GRID2: variants seen among roughly 807,000 people sequenced by gnomAD.
GRID2 encodes glutamate ionotropic receptor delta type subunit 2, also known as glutamate receptor ionotropic, delta-2.
In GRID2, 33 loss-of-function variants were observed where a neutral mutation model predicts 114.8. That is an observed-to-expected ratio of 0.29 (90% confidence interval 0.22 to 0.38). The LOEUF (loss-of-function observed/expected upper bound fraction) is 0.38, where lower values mean the gene tolerates loss of function less well. Among genes scored for constraint, GRID2 ranks in the 10% least tolerant of loss-of-function variants. The pLI is 1.00. For synonymous variants in GRID2, 505 were observed against 449.9 expected (o/e 1.12, Z -1.55); for missense variants, 1,184 against 1,257.7 (o/e 0.94, Z 0.89).
At chr4:93,015,021 G>A (rs1209352555) in intron 2 of GRID2, among the ~76,000 whole-genome samples, 1 of 152,060 alleles carries the variant, frequency 6.6e-6, no homozygotes, top group Admixed American at 6.6e-5. Flanking sequence ...ACTTCAAGAG[G>A]TGATTAAAAT....
chr4:92,497,739 G>C (rs1020439311), intron 1 of GRID2, among the ~76,000 whole-genome samples: 19 of 151,760 alleles, frequency 1.3e-4, no homozygotes, highest in African/African-American at 4.6e-4. Flanking sequence ...TTCCAGCTTT[G>C]CTTCCAGCAC....
At position 92,320,624 on chromosome 4, in the gene GRID2, G is replaced by A. The variant is rs146827017; in HGVS notation, c.88+15880G>A. Among the ~76,000 whole-genome samples the A allele has an allele frequency of 3.1e-3, 471 of 151,926 alleles. 3 individuals carry two copies. In the East Asian group the frequency reaches 0.037, roughly 12 times the overall value. On this transcript the variant is annotated intron_variant, in intron 1 of 15. Coordinates refer to ENST00000282020, the MANE Select transcript of GRID2 (RefSeq NM_001510.4). ...CAAGTAACAGGGATTACAGGCACAC[G>A]CCACCAACATGCCTAGCTAATTTTT...
intron 1 of GRID2, among the ~76,000 whole-genome samples, chr4:92,587,745 T>C (rs9307120): frequency 0.27 from 41,348 of 152,064 alleles, 5,740 homozygotes; most frequent in Middle Eastern, 0.37. Flanking sequence ...GATTGACTAA[T>C]GTGCTATCAT....
chr4:93,608,556 G>A (rs1402063881), intron 13 of GRID2, among the ~76,000 whole-genome samples: 5 of 144,100 alleles, frequency 3.5e-5, no homozygotes, highest in South Asian at 2.2e-4. Flanking sequence ...GTGAGAATAC[G>A]CAGTGTTTGG....
chr4:93,236,905 A>T (rs1450240772), intron 7 of GRID2, among the ~76,000 whole-genome samples: 1 of 152,094 alleles, frequency 6.6e-6, no homozygotes, highest in Admixed American at 6.6e-5. Flanking sequence ...TCCTTCAAAA[A>T]TAAAGAATTA....
chr4:93,084,227 A>G (rs1730133570), intron 2 of GRID2, among the ~76,000 whole-genome samples: 2 of 152,148 alleles, frequency 1.3e-5, no homozygotes, highest in African/African-American at 2.4e-5. Flanking sequence ...TATAATTTAT[A>G]TTTGATCTAG....
At chr4:93,254,278 TAATC>T (rs1169942623) in intron 8 of GRID2, among the ~76,000 whole-genome samples, 6 of 152,008 alleles carry the variant, frequency 3.9e-5, no homozygotes, top group Admixed American at 6.6e-5. Context: ...TTTTGAAAAA[TAATC>T]AAAAGTGAGA....
chr4:93,556,945 G>A (rs865832432), intron 13 of GRID2, among the ~76,000 whole-genome samples: 1 of 152,122 alleles, frequency 6.6e-6, no homozygotes, highest in South Asian at 2.1e-4. Flanking sequence ...ATTTAACATT[G>A]TTAAAGAAAA....
intron 14 of GRID2, among the ~76,000 whole-genome samples, chr4:93,715,046 G>C (rs1728792023): frequency 6.6e-6 from 1 of 152,136 alleles, no homozygotes; most frequent in African/African-American, 2.4e-5. Flanking sequence ...TTTTCTTCTA[G>C]AGTTTTTATA....
intron 8 of GRID2, chr4:93,258,888 A>G: frequency 2.2e-6 from 1 of 455,092 alleles, no homozygotes; most frequent in South Asian, 1.6e-5. Context: ...TCTCTTTTCC[A>G]TAAACAGAAT....
chr4:93,134,262 T>G (rs927488587), intron 4 of GRID2, among the ~76,000 whole-genome samples: 3 of 152,150 alleles, frequency 2.0e-5, no homozygotes, highest in African/African-American at 4.8e-5. Context: ...CAGATGAATA[T>G]TGTTTAGAAA....
intron 8 of GRID2, among the ~76,000 whole-genome samples, chr4:93,381,751 A>T (rs953882988): frequency 6.6e-6 from 1 of 152,124 alleles, no homozygotes; most frequent in Non-Finnish European, 1.5e-5. Context: ...ACAAAAACTA[A>T]TAATTTTTAA....
At chr4:92,336,806 T>G (rs933698734) in intron 1 of GRID2, among the ~76,000 whole-genome samples, 9 of 152,136 alleles carry the variant, frequency 5.9e-5, no homozygotes, top group Admixed American at 2.6e-4. Context: ...TCATGCTGCT[T>G]CTTCTTCAGG....
chr4:93,280,054 A>G (rs1023224306), intron 8 of GRID2, among the ~76,000 whole-genome samples: 2 of 151,934 alleles, frequency 1.3e-5, no homozygotes, highest in Non-Finnish European at 2.9e-5. Context: ...GCAGAAGTAC[A>G]AGCAAAAAAT....
chr4:92,391,041 T>C (rs539228477), intron 1 of GRID2, among the ~76,000 whole-genome samples: 1 of 152,316 alleles, frequency 6.6e-6, no homozygotes, highest in South Asian at 2.1e-4. Flanking sequence ...GTATTTTCCT[T>C]ACTAATAGCC....
intron 14 of GRID2, among the ~76,000 whole-genome samples, chr4:93,706,841 T>A (rs1212759569): frequency 1.3e-5 from 2 of 152,136 alleles, no homozygotes; most frequent in African/African-American, 2.4e-5. Context: ...TAATATTAGC[T>A]GTAGGTTTGT....
chr4:92,651,098 C>G (rs1731906049), intron 2 of GRID2, among the ~76,000 whole-genome samples: 1 of 151,992 alleles, frequency 6.6e-6, no homozygotes, highest in African/African-American at 2.4e-5. Context: ...TAACAGCAAT[C>G]AAGGAATTCT....
intron 13 of GRID2, among the ~76,000 whole-genome samples, chr4:93,547,877 T>C (rs1733370825): frequency 6.6e-6 from 1 of 152,154 alleles, no homozygotes; most frequent in Admixed American, 6.5e-5. Context: ...GACTACTAAA[T>C]TTATTTTAAG....
At chr4:92,965,088 T>C (rs1171728960) in intron 2 of GRID2, among the ~76,000 whole-genome samples, 1 of 151,920 alleles carries the variant, frequency 6.6e-6, no homozygotes, top group Non-Finnish European at 1.5e-5. Flanking sequence ...TTCCTTTCAC[T>C]TGAGCATGTA....
Sources: gnomAD v4.1 joint callset for allele counts (sites outside exome capture counted in the v4.1 genomes callset) on GRCh38, gnomAD v4.1.1 for gene constraint, MANE v1.5 for transcripts, NCBI Gene and HGNC (gene_info 2026-07-23, HGNC 2026-07-21) for gene names.